The following FAM168A variants were observed in gnomAD, a reference collection of about 807,000 sequenced individuals.
The protein encoded by FAM168A is protein FAM168A.
In FAM168A, 3 loss-of-function variants were observed where a neutral mutation model predicts 28.5. The observed-to-expected ratio is 0.11, with a 90% CI of 0.05 to 0.27. The LOEUF (loss-of-function observed/expected upper bound fraction) is 0.27, where lower values mean the gene tolerates loss of function less well. FAM168A is among the 10% of genes least tolerant of loss of function. FAM168A has a pLI of 1.00. For synonymous variants in FAM168A, 122 were observed against 124.2 expected, an observed-to-expected ratio of 0.98 and a Z score of 0.12; for missense variants, 222 against 311.5, an observed-to-expected ratio of 0.71 and a Z score of 2.16.
intron 1 of FAM168A, among the ~76,000 whole-genome samples, chr11:73,544,954 A>ATT (rs1397564088): frequency 2.2e-5 from 2 of 92,282 alleles, no homozygotes; most frequent in Admixed American, 1.7e-4. Context: ...TATATAATAT[A>ATT]TTATATATAA....
chr11:73,508,447 A>G (rs1855157308), intron 1 of FAM168A, among the ~76,000 whole-genome samples: 1 of 152,186 alleles, frequency 6.6e-6, no homozygotes, highest in Non-Finnish European at 1.5e-5. Flanking sequence ...CAAGCTATGC[A>G]TTTTCAACTG....
chr11:73,572,054 G>A (rs575250330), intron 1 of FAM168A, among the ~76,000 whole-genome samples: 2,089 of 148,622 alleles, frequency 0.014, 32 homozygotes, highest in African/African-American at 0.042. Context: ...CCCTCCGCCC[G>A]GCAGCCACCC....
At chr11:73,434,187 G>C (rs1408046792) in intron 2 of FAM168A, among the ~76,000 whole-genome samples, 1 of 151,866 alleles carries the variant, frequency 6.6e-6, no homozygotes, top group Non-Finnish European at 1.5e-5. Context: ...CAAACAATCT[G>C]AGTATCTACT....
intron 1 of FAM168A, among the ~76,000 whole-genome samples, chr11:73,575,380 A>G (rs774147127): frequency 1.3e-5 from 2 of 152,230 alleles, no homozygotes; most frequent in Non-Finnish European, 2.9e-5. Flanking sequence ...AACTGCTGTA[A>G]TATCTAACAG....
At chr11:73,442,106 A>G (rs1867205906) in intron 2 of FAM168A, among the ~76,000 whole-genome samples, 1 of 148,142 alleles carries the variant, frequency 6.8e-6, no homozygotes, top group Non-Finnish European at 1.5e-5. Context: ...TCAGTTATTG[A>G]GTTGAGGTCT....
At chr11:73,445,573 C>T (rs1867297372) in intron 2 of FAM168A, among the ~76,000 whole-genome samples, 1 of 151,550 alleles carries the variant, frequency 6.6e-6, no homozygotes, top group Admixed American at 6.6e-5. Context: ...CCTTTAAAAA[C>T]TCTTATTGGG....
intron 5 of FAM168A, among the ~76,000 whole-genome samples, chr11:73,409,982 G>A (rs1298706046): frequency 1.3e-5 from 2 of 152,086 alleles, no homozygotes; most frequent in Non-Finnish European, 2.9e-5. Context: ...TTAAAGTTAG[G>A]AATAACAATC....
chr11:73,463,876 T>C (rs1867690190), intron 2 of FAM168A, among the ~76,000 whole-genome samples: 2 of 152,322 alleles, frequency 1.3e-5, no homozygotes, highest in Non-Finnish European at 2.9e-5. Flanking sequence ...TTAATAAGAA[T>C]TCTCTTTAGA....
At position 73,400,572 on chromosome 11, in the gene FAM168A, T is replaced by A. The variant is rs11235736; in HGVS notation, c.*6191A>T. 2 of 152,174 alleles carry A rather than the reference T, an allele frequency of 1.3e-5. No individual in the cohort carries two copies. Among genetic ancestry groups the A allele is most frequent in the Admixed American group, 6.5e-5 (1 of 15,286 alleles). 9.4% of individuals were successfully genotyped at this position (152,174 alleles called of 1,614,324 possible). A position where few individuals can be genotyped will look rare whatever the true frequency, so the allele number is the denominator to read the frequency against. ...CTCACTGTGCTCCCACATCACACAC[T>A]TAGGGTGGGTGCTGAAGTTGCCACT... On this transcript the variant is annotated 3_prime_UTR_variant, in exon 8 of 8. Transcript: ENST00000356467.
intron 1 of FAM168A, among the ~76,000 whole-genome samples, chr11:73,489,355 A>C (rs1261429034): frequency 6.6e-6 from 1 of 151,984 alleles, no homozygotes; most frequent in East Asian, 1.9e-4. Context: ...TCAGATTTCC[A>C]TTCCCACCAC....
At chr11:73,518,545 G>A (rs1333193170) in intron 1 of FAM168A, among the ~76,000 whole-genome samples, 2 of 151,756 alleles carry the variant, frequency 1.3e-5, no homozygotes, top group Admixed American at 6.6e-5. Flanking sequence ...GGGAGGGGGC[G>A]TGGAATTGTG....
At chr11:73,482,405 T>C (rs545316642) in intron 1 of FAM168A, among the ~76,000 whole-genome samples, 2 of 152,040 alleles carry the variant, frequency 1.3e-5, no homozygotes, top group African/African-American at 4.8e-5. Flanking sequence ...CAAATAAATA[T>C]ATAAACTATG....
chr11:73,580,166 A>G, intron 1 of FAM168A: 1 of 384,416 alleles, frequency 2.6e-6, no homozygotes. Context: ...AAGAGGTGAG[A>G]ACGACCCCCA....
intron 1 of FAM168A, among the ~76,000 whole-genome samples, chr11:73,575,577 G>A (rs1263728894): frequency 1.3e-5 from 2 of 152,120 alleles, no homozygotes; most frequent in Non-Finnish European, 2.9e-5. Context: ...TTCTCATTAA[G>A]ATTTAGAAAT....
chr11:73,571,482 G>A (rs1416363146), intron 1 of FAM168A, among the ~76,000 whole-genome samples: 1 of 151,932 alleles, frequency 6.6e-6, no homozygotes, highest in Non-Finnish European at 1.5e-5. Context: ...TCCTAACCGC[G>A]AGTGATCCGC....
chr11:73,552,629 G>C (rs566864575), intron 1 of FAM168A, among the ~76,000 whole-genome samples: 1 of 152,144 alleles, frequency 6.6e-6, no homozygotes, highest in Non-Finnish European at 1.5e-5. Flanking sequence ...GCACGAAAGA[G>C]GTACTCAATT....
At chr11:73,475,023 C>T (rs1235958772) in intron 1 of FAM168A, among the ~76,000 whole-genome samples, 1 of 152,132 alleles carries the variant, frequency 6.6e-6, no homozygotes, top group African/African-American at 2.4e-5. Context: ...AAAGATTCCT[C>T]CTGGTGAAGC....
intron 1 of FAM168A, among the ~76,000 whole-genome samples, chr11:73,480,577 A>C (rs1867953869): frequency 6.6e-6 from 1 of 152,182 alleles, no homozygotes; most frequent in South Asian, 2.1e-4. Flanking sequence ...GCATTAGAAC[A>C]AAGTGCTTGA....
At chr11:73,565,093 C>T (rs1565300570) in intron 1 of FAM168A, among the ~76,000 whole-genome samples, 1 of 152,160 alleles carries the variant, frequency 6.6e-6, no homozygotes, top group Non-Finnish European at 1.5e-5. Context: ...CTCATTTAAA[C>T]CAGCTGTCAA....
Sources: allele counts gnomAD v4.1 joint callset (sites outside exome capture counted in the v4.1 genomes callset), GRCh38; gene constraint gnomAD v4.1.1; transcripts MANE v1.5; gene names NCBI Gene and HGNC (gene_info 2026-07-23, HGNC 2026-07-21).